Variants in PALM2AKAP2 observed in about 807,000 individuals in gnomAD.
The protein encoded by PALM2AKAP2 is PALM2-AKAP2 fusion protein.
In PALM2AKAP2, 37 loss-of-function variants were observed where a neutral mutation model predicts 71.5. The observed-to-expected ratio is 0.52, with a 90% CI of 0.40 to 0.68. The LOEUF is 0.68. PALM2AKAP2 is among the 30% of genes least tolerant of loss of function. The pLI, the probability that PALM2AKAP2 is intolerant of heterozygous loss-of-function variation, is 0.00. For missense variants in PALM2AKAP2, 1,224 were observed against 1,191.8 expected, an observed-to-expected ratio of 1.03 and a Z score of -0.40; for synonymous variants, 468 against 478.8, an observed-to-expected ratio of 0.98 and a Z score of 0.29.
chr9:109,742,816 A>G (rs1828734748), intron 1 of PALM2AKAP2, among the ~76,000 whole-genome samples: 1 of 152,230 alleles, frequency 6.6e-6, no homozygotes, highest in African/African-American at 2.4e-5. Flanking sequence ...TCTGGAAAGC[A>G]GCCGTGTTGC....
intron 2 of PALM2AKAP2, among the ~76,000 whole-genome samples, chr9:109,869,936 T>C (rs1038335076): frequency 6.6e-6 from 1 of 152,058 alleles, no homozygotes; most frequent in Non-Finnish European, 1.5e-5. Context: ...GAGTGCATTG[T>C]ATGTCTCTGG....
At chr9:110,074,014 C>A (rs1025486183) in intron 1 of PALM2AKAP2, among the ~76,000 whole-genome samples, 28 of 152,242 alleles carry the variant, frequency 1.8e-4, no homozygotes, top group South Asian at 4.2e-4. Context: ...AAATCTAACA[C>A]CATTAGTAAT....
intron 1 of PALM2AKAP2, among the ~76,000 whole-genome samples, chr9:109,805,566 C>T (rs1827549741): frequency 6.6e-6 from 1 of 152,124 alleles, no homozygotes; most frequent in Admixed American, 6.6e-5. Flanking sequence ...AGGATCAAGT[C>T]CAAAACCTGT....
chr9:110,134,228 A>G (rs530750477), intron 1 of PALM2AKAP2, among the ~76,000 whole-genome samples: 3 of 152,080 alleles, frequency 2.0e-5, no homozygotes, highest in African/African-American at 7.2e-5. Flanking sequence ...GCAGTGAGCT[A>G]TGATCACATC....
chr9:109,923,911 T>C, intron 4 of PALM2AKAP2, 62 bp downstream of exon 4: 1 of 1,443,630 alleles, frequency 6.9e-7, no homozygotes, highest in Non-Finnish European at 9.2e-7. Flanking sequence ...CCTAGCAAAA[T>C]GGTGCTAACT....
At chr9:109,758,464 T>A (rs184544478) in intron 1 of PALM2AKAP2, among the ~76,000 whole-genome samples, 1 of 152,224 alleles carries the variant, frequency 6.6e-6, no homozygotes, top group Non-Finnish European at 1.5e-5. Flanking sequence ...TTTTCTTATA[T>A]CATCATTAAC....
intron 1 of PALM2AKAP2, among the ~76,000 whole-genome samples, chr9:109,801,415 G>T (rs1308303281): frequency 2.6e-5 from 4 of 152,234 alleles, no homozygotes; most frequent in Non-Finnish European, 4.4e-5. Flanking sequence ...GATTCCAGAT[G>T]ATTGAGCTGA....
intron 3 of PALM2AKAP2, among the ~76,000 whole-genome samples, chr9:109,891,507 CAG>C (rs1830089449): frequency 2.0e-5 from 3 of 151,872 alleles, no homozygotes; most frequent in Non-Finnish European, 4.4e-5. Context: ...GTGTGTGAGA[CAG>C]AGTCTCACTC....
At chr9:110,044,344 CTTTT>C (rs57314430), upstream of PALM2AKAP2, among the ~76,000 whole-genome samples, 6 of 80,152 alleles carry the variant, frequency 7.5e-5, no homozygotes, top group East Asian at 6.9e-4. Context: ...TTCTTTCTTT[CTTTT>C]TTTTTTTTTT....
At chr9:109,927,508 G>A (rs780307664) in intron 5 of PALM2AKAP2, among the ~76,000 whole-genome samples, 22 of 152,306 alleles carry the variant, frequency 1.4e-4, no homozygotes, top group South Asian at 2.1e-4. Flanking sequence ...CTGCAGATAA[G>A]CAGCAAAAGC....
At chr9:109,844,949 G>GTGTGTGTGTA (rs1029952891) in intron 1 of PALM2AKAP2, among the ~76,000 whole-genome samples, 1 of 151,948 alleles carries the variant, frequency 6.6e-6, no homozygotes, top group African/African-American at 2.4e-5. Context: ...GTGTGTGTGT[G>GTGTGTGTGTA]TGTGTGTGTG....
At position 109,769,390 on chromosome 9, in the gene PALM2AKAP2, T is replaced by A. The variant is rs181776512; in HGVS notation, c.6-11098T>A. Among the ~76,000 whole-genome samples the A allele has an allele frequency of 6.2e-3, 949 of 152,284 alleles. 3 individuals carry two copies. The highest frequency in any genetic ancestry group is 0.011 in the Non-Finnish European group (767 of 68,012). Reference sequence around the variant, plus strand: ...GGGTTTGAAACCTGATGCCCATGTGTCACTTGCTTTATTAAGTCACCACCT... The same window carrying A: ...GGGTTTGAAACCTGATGCCCATGTGACACTTGCTTTATTAAGTCACCACCT... On this transcript the variant is annotated intron_variant, in intron 1 of 6. Coordinates refer to the PALM2AKAP2 transcript ENST00000374531.
intron 3 of PALM2AKAP2, among the ~76,000 whole-genome samples, chr9:109,903,622 C>G (rs1477124399): frequency 1.3e-5 from 2 of 152,128 alleles, no homozygotes; most frequent in Non-Finnish European, 2.9e-5. Context: ...CTTTCTCCTC[C>G]TAAGTACACA....
rs564641422 is a variant in PALM2AKAP2 at position 109,952,001 on chromosome 9, C to T, written c.496+19973C>T. Reference sequence around the variant, plus strand: ...GGTGCAGTCTGCTGTTTAAGAGCATCTGAAGACACGTGGGGACTTTGTTTC... The same window carrying T: ...GGTGCAGTCTGCTGTTTAAGAGCATTTGAAGACACGTGGGGACTTTGTTTC... On this transcript the variant is annotated intron_variant, in intron 6 of 9. Transcript: ENST00000302798. Among the ~76,000 whole-genome samples the T allele has an allele frequency of 9.8e-5, 15 of 152,328 alleles. No individual in the cohort carries two copies. The South Asian group carries it at 3.1e-3, about 32-fold the overall frequency.
chr9:109,852,004 ACCT>A (rs1829034161), intron 1 of PALM2AKAP2, among the ~76,000 whole-genome samples: 1 of 152,164 alleles, frequency 6.6e-6, no homozygotes, highest in Non-Finnish European at 1.5e-5. Context: ...ACTTAATCCT[ACCT>A]GGTTCCCCAT....
chr9:109,831,636 G>A (rs1427196210), intron 1 of PALM2AKAP2, among the ~76,000 whole-genome samples: 2 of 152,182 alleles, frequency 1.3e-5, no homozygotes, highest in African/African-American at 4.8e-5. Flanking sequence ...TGCAGTCAGA[G>A]TAGCAGAATA....
At chr9:109,703,272 A>T (rs997399377) in intron 1 of PALM2AKAP2, among the ~76,000 whole-genome samples, 3 of 152,330 alleles carry the variant, frequency 2.0e-5, no homozygotes, top group African/African-American at 7.2e-5. Context: ...AACTTAACAT[A>T]AAAATATTTT....
intron 1 of PALM2AKAP2, among the ~76,000 whole-genome samples, chr9:109,740,318 G>T (rs1828698782): frequency 6.6e-6 from 1 of 152,206 alleles, no homozygotes; most frequent in African/African-American, 2.4e-5. Flanking sequence ...GTCAGATGTT[G>T]ATGAGTACTA....
Position 109,860,311 on chromosome 9 carries a change from A to T in PALM2AKAP2, c.46-7180A>T, listed in dbSNP as rs151149140. Among the ~76,000 whole-genome samples the T allele has an allele frequency of 2.4e-4, 37 of 152,334 alleles. No individual in the cohort carries two copies. The East Asian group carries it at 7.1e-3, about 29-fold the overall frequency. On this transcript the variant is annotated intron_variant, in intron 1 of 9. Coordinates refer to the PALM2AKAP2 transcript ENST00000302798. ...GAATCTGCAGTAGTGTTAGAAAGGT[A>T]ATTATAACCCAACCATGTCTGAGAT...
Sources: allele counts gnomAD v4.1 joint callset (sites outside exome capture counted in the v4.1 genomes callset), GRCh38; gene constraint gnomAD v4.1.1; transcripts MANE v1.5; gene names NCBI Gene and HGNC (gene_info 2026-07-23, HGNC 2026-07-21).